Variants in EBF1 observed in about 807,000 individuals in gnomAD.
EBF1 encodes the protein transcription factor COE1.
A neutral mutation model predicts 68.4 loss-of-function variants in EBF1; 10 were observed. That is an observed-to-expected ratio of 0.15 (90% CI 0.09 to 0.25). The LOEUF (loss-of-function observed/expected upper bound fraction) is 0.25. Ranked by LOEUF, EBF1 falls within the 10% of genes least tolerant of loss-of-function variation. The pLI, the probability that EBF1 is intolerant of heterozygous loss-of-function variation, is 1.00. For missense variants in EBF1, 509 were observed against 794.4 expected (o/e 0.64, Z 4.32); for synonymous variants, 298 against 299.8 (o/e 0.99, Z 0.06).
chr5:158,836,037 C>T (rs1423264230), intron 7 of EBF1, among the ~76,000 whole-genome samples: 2 of 152,134 alleles, frequency 1.3e-5, no homozygotes, highest in African/African-American at 4.8e-5. Flanking sequence ...AATATAGACA[C>T]AGTTATCTTC....
intron 6 of EBF1, among the ~76,000 whole-genome samples, chr5:158,872,916 G>T (rs1219430811): frequency 6.8e-6 from 1 of 146,926 alleles, no homozygotes; most frequent in Non-Finnish European, 1.5e-5. Flanking sequence ...CATTCCCTTT[G>T]AATAACAAAA....
intron 10 of EBF1, among the ~76,000 whole-genome samples, chr5:158,734,275 A>G (rs978076155): frequency 6.6e-6 from 1 of 152,128 alleles, no homozygotes; most frequent in Non-Finnish European, 1.5e-5. Flanking sequence ...AACATATATT[A>G]CTTATATAAT....
chr5:158,876,880 T>C (rs950861854), intron 6 of EBF1, among the ~76,000 whole-genome samples: 1 of 152,026 alleles, frequency 6.6e-6, no homozygotes, highest in African/African-American at 2.4e-5. Flanking sequence ...ATTTTCATAA[T>C]AGGAGGGTAA....
At chr5:158,761,404 C>T (rs929956922) in intron 10 of EBF1, among the ~76,000 whole-genome samples, 2 of 152,294 alleles carry the variant, frequency 1.3e-5, no homozygotes, top group East Asian at 1.9e-4. Flanking sequence ...ACTCTCTCCC[C>T]GAGTTCCGGG....
intron 6 of EBF1, among the ~76,000 whole-genome samples, chr5:158,946,660 G>A (rs1814793374): frequency 6.6e-6 from 1 of 152,160 alleles, no homozygotes; most frequent in Admixed American, 6.5e-5. Flanking sequence ...GGAGGCATGG[G>A]GGTCAGGGAC....
chr5:158,936,439 C>A (rs1812033706), intron 6 of EBF1, among the ~76,000 whole-genome samples: 1 of 152,010 alleles, frequency 6.6e-6, no homozygotes, highest in Non-Finnish European at 1.5e-5. Context: ...AATAATAGTA[C>A]CTAAAGTTGT....
chr5:158,932,225 A>C (rs1368723777), intron 6 of EBF1, among the ~76,000 whole-genome samples: 2 of 152,138 alleles, frequency 1.3e-5, no homozygotes, highest in African/African-American at 2.4e-5. Flanking sequence ...TATAAAAATG[A>C]AAAAATTAAA....
At chr5:158,785,284 T>C (rs898839671) in intron 9 of EBF1, among the ~76,000 whole-genome samples, 20 of 152,220 alleles carry the variant, frequency 1.3e-4, no homozygotes, top group African/African-American at 4.1e-4. Flanking sequence ...AACATGCATC[T>C]TTTTGGAGTT....
chr5:158,888,600 T>C (rs1800510462), intron 6 of EBF1, among the ~76,000 whole-genome samples: 1 of 152,114 alleles, frequency 6.6e-6, no homozygotes. Context: ...CAGATCCCAG[T>C]AAAAATTGAC....
chr5:158,764,124 G>A (rs915806284), intron 10 of EBF1, among the ~76,000 whole-genome samples: 6 of 152,174 alleles, frequency 3.9e-5, no homozygotes, highest in Non-Finnish European at 8.8e-5. Context: ...GAGAAAAATG[G>A]AGTCTCAGAG....
At chr5:158,833,435 T>A (rs1345158337) in intron 7 of EBF1, among the ~76,000 whole-genome samples, 3 of 152,242 alleles carry the variant, frequency 2.0e-5, no homozygotes, top group Non-Finnish European at 4.4e-5. Context: ...TTTGTACACA[T>A]CTTCATTGCA....
chr5:158,984,493 A>C (rs1040676509), intron 6 of EBF1, among the ~76,000 whole-genome samples: 1 of 152,104 alleles, frequency 6.6e-6, no homozygotes, highest in Admixed American at 6.5e-5. Context: ...TATGAGCATT[A>C]AATAATATGG....
At chr5:158,749,805 T>C (rs1768394121) in intron 10 of EBF1, among the ~76,000 whole-genome samples, 1 of 152,134 alleles carries the variant, frequency 6.6e-6, no homozygotes, top group Non-Finnish European at 1.5e-5. Flanking sequence ...TGGACATACC[T>C]TTTCTCAGAG....
rs183528285 is a variant in EBF1, at chr5:158,703,286, C to T, written c.1745-4144G>A. Among the ~76,000 whole-genome samples the T allele has an allele frequency of 2.8e-3, 430 of 152,304 alleles. 2 individuals are homozygous for T. Among genetic ancestry groups the T allele is most frequent in the African/African-American group, 9.7e-3 (405 of 41,560 alleles). On this transcript the variant is annotated intron_variant, in intron 15 of 15. Coordinates refer to ENST00000313708, the MANE Select transcript of EBF1 (RefSeq NM_024007.5). Reference sequence around the variant, plus strand: ...GGACCAGGATTTATCAATTACTTCACCTGCATAAGAATAGAAAGAGGTATC... The same window carrying T: ...GGACCAGGATTTATCAATTACTTCATCTGCATAAGAATAGAAAGAGGTATC...
chr5:158,769,033 C>A (rs879502543), intron 10 of EBF1, among the ~76,000 whole-genome samples: 1 of 152,118 alleles, frequency 6.6e-6, no homozygotes, highest in Non-Finnish European at 1.5e-5. Context: ...GCTTTCTAAT[C>A]CCTTACCAGA....
intron 6 of EBF1, among the ~76,000 whole-genome samples, chr5:158,911,144 G>T (rs886949829): frequency 6.6e-6 from 1 of 152,118 alleles, no homozygotes; most frequent in Non-Finnish European, 1.5e-5. Flanking sequence ...TTCCCTCAAC[G>T]AGTCGCCTAT....
At chr5:158,810,006 C>A (rs906272849) in intron 8 of EBF1, among the ~76,000 whole-genome samples, 1 of 152,126 alleles carries the variant, frequency 6.6e-6, no homozygotes, top group Admixed American at 6.6e-5. Flanking sequence ...TTCCACAGGC[C>A]TTTAGCTAAC....
At chr5:158,903,354 G>A (rs1803859994) in intron 6 of EBF1, among the ~76,000 whole-genome samples, 1 of 152,066 alleles carries the variant, frequency 6.6e-6, no homozygotes, top group Non-Finnish European at 1.5e-5. Flanking sequence ...CACCGTGTCT[G>A]GGTCAGGAAC....
intron 6 of EBF1, among the ~76,000 whole-genome samples, chr5:159,061,223 C>G (rs546924945): frequency 1.8e-4 from 27 of 152,114 alleles, no homozygotes; most frequent in Non-Finnish European, 2.6e-4. Context: ...GCCATAATGA[C>G]TGACCTGAGC....
Sources: gnomAD v4.1 joint callset for allele counts (sites outside exome capture counted in the v4.1 genomes callset) on GRCh38, gnomAD v4.1.1 for gene constraint, MANE v1.5 for transcripts, NCBI Gene and HGNC (gene_info 2026-07-23, HGNC 2026-07-21) for gene names.